SDHD: variants seen among roughly 807,000 people sequenced by gnomAD.
The protein encoded by SDHD is succinate dehydrogenase complex subunit D, also known as succinate dehydrogenase [ubiquinone] cytochrome b small subunit, mitochondrial.
SDHD carries 6 observed loss-of-function variants against 18.7 expected under a neutral mutation model. The observed-to-expected ratio is 0.32, with a 90% confidence interval of 0.18 to 0.63. The LOEUF is 0.63. SDHD is among the 30% of genes least tolerant of loss of function. The pLI, the probability that SDHD is intolerant of heterozygous loss-of-function variation, is 0.79. For missense variants in SDHD, 160 were observed against 192.7 expected (o/e 0.83, Z 1.00); for synonymous variants, 56 against 73.9 (o/e 0.76, Z 1.24).
At chr11:112,090,834 TACAG>T (rs1006965595) in intron 3 of SDHD, among the ~76,000 whole-genome samples, 2 of 152,092 alleles carry the variant, frequency 1.3e-5, no homozygotes, top group Non-Finnish European at 2.9e-5. Flanking sequence ...CAGCTGGGAT[TACAG>T]GCATGCGCCA....
intron 3 of SDHD, among the ~76,000 whole-genome samples, chr11:112,091,531 C>A (rs1439981744): frequency 6.6e-6 from 1 of 152,100 alleles, no homozygotes; most frequent in Non-Finnish European, 1.5e-5. Flanking sequence ...TCAGATCTGA[C>A]CTGTTTTTCT....
intron 3 of SDHD, 169 bp downstream of exon 3, chr11:112,089,180 T>C: frequency 1.5e-6 from 1 of 654,812 alleles, no homozygotes; most frequent in Non-Finnish European, 2.6e-6. Flanking sequence ...TGCCTGCCTA[T>C]TCAATGTCTT....
At chr11:112,092,704 C>G (rs1439041877) in intron 3 of SDHD, among the ~76,000 whole-genome samples, 1 of 152,180 alleles carries the variant, frequency 6.6e-6, no homozygotes, top group Non-Finnish European at 1.5e-5. Context: ...GGAAAACATT[C>G]TGGCAGTTAC....
intron 2 of SDHD, chr11:112,088,347 C>T (rs1865667761): frequency 2.9e-6 from 1 of 349,368 alleles, no homozygotes; most frequent in Non-Finnish European, 5.6e-6. Context: ...TTACAGGCGC[C>T]CACCACCATG....
rs745732631 is a variant in SDHD, at chr11:112,094,921, A to T, written c.431A>T (p.Tyr144Phe). 6.2e-7 allele frequency: 1 copy of T among 1,611,404 alleles called. No homozygotes were observed. Among genetic ancestry groups the T allele is most frequent in the East Asian group, 2.2e-5 (1 of 44,880 alleles). The change falls in exon 4 of 4, where the codon TAT becomes TTT. Residue 144 changes from tyrosine (Y) to phenylalanine (F), a missense_variant. Coordinates refer to ENST00000375549, the MANE Select transcript of SDHD (RefSeq NM_003002.4). The stretch of plus-strand genomic sequence containing the variant: ...TTTGCTGGGCTTTGCTATTTCAACT[A>T]TCACGATGTGGGCATCTGCAAAGCT... ...LTFAGLCYFN[Y>F]HDVGICKAVA...
Position 112,089,091 on chromosome 11 carries a change from G to C in SDHD, c.314+80G>C. 2.0e-6 allele frequency: 3 copies of C among 1,506,186 alleles called. No homozygotes were observed. The East Asian group carries it at 6.8e-5, about 34-fold the overall frequency. 93.3% of individuals were successfully genotyped at this position (1,506,186 alleles called of 1,614,324 possible). ...TGTCTTATGTATTATATATGAGGGA[G>C]AAGTTGATTGAAATGCCCTAAATTT... On this transcript the variant is annotated intron_variant, in intron 3 of 3. Transcript: ENST00000375549.
chr11:112,093,242 T>G (rs1333959164), intron 3 of SDHD: 1 of 280,454 alleles, frequency 3.6e-6, no homozygotes, highest in Non-Finnish European at 7.3e-6. Flanking sequence ...AATTTTGTAT[T>G]TTTTGTAGAG....
rs567772859 is a variant in SDHD at position 112,090,190 on chromosome 11, C to T, written c.314+1179C>T. 7.2e-5 allele frequency among the ~76,000 whole-genome samples: 11 copies of T among 152,292 alleles called. 1 individual carries two copies. In the South Asian group the frequency reaches 2.3e-3, roughly 32 times the overall value. ...TGGTGTGATCTCAGCTCACCACAAC[C>T]TCCGCCTCCCAGGTACAAGCGATTC... On this transcript the variant is annotated intron_variant, in intron 3 of 3. Transcript: ENST00000375549.
intron 3 of SDHD, 83 bp downstream of exon 3, chr11:112,089,094 G>A: frequency 2.7e-6 from 4 of 1,505,100 alleles, no homozygotes; most frequent in Non-Finnish European, 3.7e-6. Context: ...TGAGGGAGAA[G>A]TTGATTGAAA....
chr11:112,089,073 T>C (rs1441448085), intron 3 of SDHD, 62 bp downstream of exon 3: 5 of 1,581,432 alleles, frequency 3.2e-6, no homozygotes, highest in Admixed American at 1.7e-5. Context: ...GCTTGTCTTA[T>C]GTATTATATA....
intron 3 of SDHD, 156 bp downstream of exon 3, chr11:112,089,167 A>G (rs1865698521): frequency 2.8e-6 from 2 of 708,620 alleles, no homozygotes; most frequent in East Asian, 2.7e-5. Flanking sequence ...AGATTTATAT[A>G]TCTGCCTGCC....
chr11:112,089,147 G>T, intron 3 of SDHD, 136 bp downstream of exon 3: 1 of 815,206 alleles, frequency 1.2e-6, no homozygotes, highest in Non-Finnish European at 2.0e-6. Flanking sequence ...TATAAAATAT[G>T]TATATGCCTA....
intron 3 of SDHD, among the ~76,000 whole-genome samples, chr11:112,090,093 C>CTGTTTGTT (rs534844121): frequency 7.5e-6 from 1 of 133,980 alleles, no homozygotes; most frequent in Non-Finnish European, 1.7e-5. Context: ...CATCCAGCGC[C>CTGTTTGTT]TGTTTGTTTG....
At chr11:112,087,586 T>C (rs1027420858) in intron 1 of SDHD, among the ~76,000 whole-genome samples, 3 of 152,152 alleles carry the variant, frequency 2.0e-5, no homozygotes, top group Non-Finnish European at 4.4e-5. Context: ...GATTTGGCGA[T>C]TGAATTTAGG....
rs1592786077 is a variant in SDHD at position 112,094,786 on chromosome 11, A to G, written c.315-19A>G. ...ACTGTGGTTTTTTATTGATGTTATG[A>G]TTTTTTCTTTTTCTTTAGGGGCCTT... On this transcript the variant is annotated intron_variant, in intron 3 of 3. Transcript: ENST00000375549. 2.5e-6 allele frequency: 4 copies of G among 1,608,392 alleles called. No individual in the cohort carries two copies. In the East Asian group the frequency reaches 6.7e-5, roughly 27 times the overall value.
intron 3 of SDHD, among the ~76,000 whole-genome samples, 161 bp from the exon 4 acceptor site, chr11:112,094,644 A>G (rs995121870): frequency 6.6e-6 from 1 of 152,240 alleles, no homozygotes; most frequent in Non-Finnish European, 1.5e-5. Context: ...GCAAAAGGCT[A>G]TACAGAATCC....
intron 1 of SDHD, 51 bp from the exon 2 acceptor site, chr11:112,087,806 G>C (rs1865648101): frequency 1.7e-6 from 2 of 1,172,058 alleles, no homozygotes; most frequent in South Asian, 1.2e-5. Context: ...AAGTTTGTCA[G>C]TCCTGTTAAA....
rs200255724 is a variant in SDHD at position 112,088,966 on chromosome 11, C to A, written c.269C>A (p.Ala90Glu). Residue 90 changes from alanine (A) to glutamate (E), a missense_variant, in exon 3 of 4, where the codon GCG becomes GAG. Physicochemically the swap from Ala to Glu is moderately radical, Grantham distance 107. Coordinates refer to ENST00000375549, the MANE Select transcript of SDHD (RefSeq NM_003002.4). The stretch of plus-strand genomic sequence containing the variant: ...GCTGCTTATTTGAATCCTTGCTCTG[C>A]GATGGACTATTCCCTGGCTGCAGCC... ...LPAAYLNPCS[A>E]MDYSLAAALT... The A allele has an allele frequency of 1.3e-5, 21 of 1,614,014 alleles. No homozygotes were observed. The East Asian group carries it at 4.7e-4, about 36-fold the overall frequency.
At chr11:112,092,745 G>T (rs1865767197) in intron 3 of SDHD, among the ~76,000 whole-genome samples, 1 of 152,154 alleles carries the variant, frequency 6.6e-6, no homozygotes, top group African/African-American at 2.4e-5. Context: ...GTTACCATCT[G>T]ACTCGGCGAT....
Sources: allele counts gnomAD v4.1 joint callset (sites outside exome capture counted in the v4.1 genomes callset), GRCh38; gene constraint gnomAD v4.1.1; transcripts MANE v1.5; gene names NCBI Gene and HGNC (gene_info 2026-07-23, HGNC 2026-07-21).